MACROD2: variants seen among roughly 807,000 people sequenced by gnomAD.
MACROD2 encodes the protein mono-ADP ribosylhydrolase 2, also known as ADP-ribose glycohydrolase MACROD2.
In MACROD2, 36 loss-of-function variants were observed where a neutral mutation model predicts 70.4. The observed-to-expected ratio is 0.51, with a 90% CI of 0.39 to 0.68. The LOEUF (loss-of-function observed/expected upper bound fraction) is 0.68. Among genes scored for constraint, MACROD2 ranks in the 30% least tolerant of loss-of-function variants. The pLI, the probability that MACROD2 is intolerant of heterozygous loss-of-function variation, is 0.00. For missense variants in MACROD2, 496 were observed against 538.4 expected (o/e 0.92, Z 0.78); for synonymous variants, 172 against 178.8 (o/e 0.96, Z 0.30).
intron 5 of MACROD2, among the ~76,000 whole-genome samples, chr20:14,853,679 G>A (rs1007674946): frequency 2.0e-5 from 3 of 151,942 alleles, no homozygotes; most frequent in Non-Finnish European, 4.4e-5. Flanking sequence ...ATGCTGCATC[G>A]ATAGAGTTAT....
intron 4 of MACROD2, among the ~76,000 whole-genome samples, chr20:14,604,013 T>C (rs1982649847): frequency 6.6e-6 from 1 of 152,190 alleles, no homozygotes; most frequent in Non-Finnish European, 1.5e-5. Context: ...TTCACCTTCA[T>C]TGGCCACTTG....
chr20:14,954,587 T>G (rs1269060720), intron 5 of MACROD2, among the ~76,000 whole-genome samples: 6 of 134,624 alleles, frequency 4.5e-5, no homozygotes. Flanking sequence ...AAATTATAAA[T>G]TATATATAAT....
intron 8 of MACROD2, among the ~76,000 whole-genome samples, chr20:15,764,227 C>A (rs2051484684): frequency 6.6e-6 from 1 of 152,092 alleles, no homozygotes; most frequent in Non-Finnish European, 1.5e-5. Flanking sequence ...TTTTGAAGTT[C>A]TTCTATGTCT....
At chr20:15,351,978 A>C (rs1184510613) in intron 6 of MACROD2, among the ~76,000 whole-genome samples, 2 of 152,146 alleles carry the variant, frequency 1.3e-5, no homozygotes, top group Admixed American at 6.6e-5. Context: ...AAATGGTCTA[A>C]TGTGATTTGG....
chr20:14,746,760 T>C (rs145415910), intron 5 of MACROD2, among the ~76,000 whole-genome samples: 339 of 152,304 alleles, frequency 2.2e-3, no homozygotes, highest in African/African-American at 7.5e-3. Context: ...AAAGGGTTAC[T>C]GTAGGTTTCA....
intron 6 of MACROD2, among the ~76,000 whole-genome samples, chr20:15,320,977 G>T (rs2077868336): frequency 6.6e-6 from 1 of 152,172 alleles, no homozygotes. Context: ...AACTCTTGAG[G>T]TATCGTACTT....
intron 5 of MACROD2, among the ~76,000 whole-genome samples, chr20:15,000,661 A>AAAAT (rs2074987965): frequency 6.7e-6 from 1 of 148,658 alleles, no homozygotes; most frequent in Non-Finnish European, 1.5e-5. Context: ...AAAAAAAAAA[A>AAAAT]GAGGTAGAAA....
chr20:14,698,817 A>C lies in MACROD2; in HGVS notation c.418+13858A>C, dbSNP rs150193586. Among the ~76,000 whole-genome samples the C allele has an allele frequency of 3.0e-3, 450 of 149,686 alleles. 3 individuals are homozygous for C. Among genetic ancestry groups the C allele is most frequent in the Non-Finnish European group, 5.1e-3 (341 of 67,476 alleles). On this transcript the variant is annotated intron_variant, in intron 5 of 17. Coordinates refer to ENST00000684519, the MANE Select transcript of MACROD2 (RefSeq NM_001351661.2). ...TTAATTATTTTAATAAATTTAGTAT[A>C]ATTTAATTATTTATAATTATTAACA...
chr20:15,160,935 G>T (rs1820734529), intron 5 of MACROD2, among the ~76,000 whole-genome samples: 1 of 151,800 alleles, frequency 6.6e-6, no homozygotes, highest in African/African-American at 2.4e-5. Context: ...TAGAGAGATA[G>T]AAGTTTTGCA....
intron 5 of MACROD2, among the ~76,000 whole-genome samples, chr20:14,956,117 A>G (rs1034833214): frequency 2.6e-5 from 4 of 151,806 alleles, no homozygotes; most frequent in Non-Finnish European, 1.5e-5. Context: ...TGGAAAACCT[A>G]GGCTAGCATT....
intron 5 of MACROD2, among the ~76,000 whole-genome samples, chr20:15,166,327 T>C (rs1210090044): frequency 2.6e-5 from 4 of 152,096 alleles, no homozygotes; most frequent in African/African-American, 9.7e-5. Flanking sequence ...GCTTCATGAG[T>C]GAGATGAATG....
intron 4 of MACROD2, among the ~76,000 whole-genome samples, chr20:14,599,184 TG>T (rs1289624092): frequency 6.6e-6 from 1 of 152,080 alleles, no homozygotes; most frequent in African/African-American, 2.4e-5. Context: ...TTTAAAAAAC[TG>T]TAGAAGGTGG....
At chr20:15,264,119 C>G (rs17370127) in intron 6 of MACROD2, among the ~76,000 whole-genome samples, 1 of 152,024 alleles carries the variant, frequency 6.6e-6, no homozygotes, top group African/African-American at 2.4e-5. Context: ...AAGTATAGGC[C>G]AAAATCTGGC....
intron 6 of MACROD2, among the ~76,000 whole-genome samples, chr20:15,412,617 A>C (rs2046093782): frequency 6.6e-6 from 1 of 152,204 alleles, no homozygotes; most frequent in Non-Finnish European, 1.5e-5. Flanking sequence ...AGTTCTCTGG[A>C]ACTGTAGCAG....
At chr20:16,033,547 G>A (rs1043841098) in intron 15 of MACROD2, among the ~76,000 whole-genome samples, 3 of 152,046 alleles carry the variant, frequency 2.0e-5, no homozygotes, top group African/African-American at 7.2e-5. Context: ...CAGTGATAAA[G>A]AGATACCCAG....
At chr20:14,648,140 G>A (rs183426764) in intron 4 of MACROD2, among the ~76,000 whole-genome samples, 103 of 152,242 alleles carry the variant, frequency 6.8e-4, no homozygotes, top group African/African-American at 2.4e-3. Flanking sequence ...AATGGACACA[G>A]TGGTAATACA....
chr20:14,657,233 A>G (rs1986020848), intron 4 of MACROD2, among the ~76,000 whole-genome samples: 3 of 152,380 alleles, frequency 2.0e-5, no homozygotes, highest in South Asian at 2.1e-4. Flanking sequence ...GCCTCATTCA[A>G]TGATTCCAGT....
intron 12 of MACROD2, among the ~76,000 whole-genome samples, chr20:15,953,201 G>A (rs1601202954): frequency 6.6e-6 from 1 of 152,100 alleles, no homozygotes; most frequent in African/African-American, 2.4e-5. Context: ...GATACTAGAG[G>A]CTGGAAAGGG....
chr20:14,492,914 A>C (rs2084810781), intron 3 of MACROD2, among the ~76,000 whole-genome samples: 1 of 152,110 alleles, frequency 6.6e-6, no homozygotes, highest in Non-Finnish European at 1.5e-5. Context: ...GTGCGGGGTT[A>C]ATAAATAAAT....
Sources: gnomAD v4.1 joint callset for allele counts (sites outside exome capture counted in the v4.1 genomes callset) on GRCh38, gnomAD v4.1.1 for gene constraint, MANE v1.5 for transcripts, NCBI Gene and HGNC (gene_info 2026-07-23, HGNC 2026-07-21) for gene names.